The following ZNF454 variants were observed in gnomAD, a reference collection of about 807,000 sequenced individuals.
ZNF454 encodes zinc finger protein 454.
A neutral mutation model predicts 48.2 loss-of-function variants in ZNF454; 30 were observed. That is an observed-to-expected ratio of 0.62 (90% CI 0.47 to 0.84). The LOEUF is 0.84. ZNF454 is among the 40% of genes least tolerant of loss of function. The probability of loss-of-function intolerance (pLI) is 0.00; values close to 1 mark genes in which losing one functional copy is unlikely to be tolerated. For synonymous variants in ZNF454, 204 were observed against 211.4 expected (o/e 0.97, Z 0.30); for missense variants, 510 against 623.1 (o/e 0.82, Z 1.93).
At chr5:178,986,326 GC>G in the ZNF454 span, 1 of 1,614,124 alleles carries the variant, frequency 6.2e-7, no homozygotes, top group Non-Finnish European at 8.5e-7. Flanking sequence ...CCCAGGCTCA[GC>G]CACCATGAGG....
At chr5:178,950,422 G>C (rs1224043109) in intron 4 of ZNF454, among the ~76,000 whole-genome samples, 1 of 152,152 alleles carries the variant, frequency 6.6e-6, no homozygotes, top group East Asian at 1.9e-4. Context: ...GAATTAATTT[G>C]GACTGATGTA....
the ZNF454 span, chr5:178,981,667 G>T: frequency 1.7e-4 from 272 of 1,613,308 alleles, 3 homozygotes; most frequent in Middle Eastern, 7.6e-3. This position sits in a 1 kb window ranked among gnomAD's most constrained non-coding sequence, Gnocchi z 5.1. Context: ...CTACTTGTGG[G>T]CCTCTGCATC....
rs76444063 is a variant in ZNF454, at chr5:178,942,471, G to A, written c.-107-214G>A. On this transcript the variant is annotated intron_variant, in intron 1 of 4. Coordinates refer to ENST00000519564, the MANE Select transcript of ZNF454 (RefSeq NM_001178089.3). The stretch of plus-strand genomic sequence containing the variant: ...GTGAGGCTGAAGGGAAAGACCAGAG[G>A]GTGGGTGGAAGGCATGAGAACTGGA... 1,548 of 311,940 alleles carry A rather than the reference G, an allele frequency of 5.0e-3. 35 individuals carry two copies. In the East Asian group the frequency reaches 0.057, roughly 11 times the overall value. 19.3% of individuals were successfully genotyped at this position (311,940 alleles called of 1,614,324 possible).
In ZNF454 at chr5:178,965,547, G is replaced by A; in HGVS notation, c.1143G>A (p.Glu381=). The A allele has an allele frequency of 6.2e-7, 1 of 1,614,146 alleles. No individual in the cohort carries two copies. Among genetic ancestry groups the A allele is most frequent in the Non-Finnish European group, 8.5e-7 (1 of 1,180,022 alleles). ...LTEHQRIHTG[E]KPYKCNECGK... ...AACATCAGAGAATTCATACTGGAGA[G>A]AAACCTTATAAATGTAATGAATGTG... is the stretch of plus-strand genomic sequence containing the variant. The change falls in exon 5 of 5, where the codon GAG becomes GAA. Residue 381 remains glutamate (E), a synonymous_variant. Coordinates refer to ENST00000519564, the MANE Select transcript of ZNF454 (RefSeq NM_001178089.3). The surrounding 1 kb of genome is among the most constrained non-coding windows in gnomAD (Gnocchi z 5.2).
the ZNF454 span, chr5:178,976,213 G>C: frequency 2.5e-6 from 1 of 393,714 alleles, no homozygotes; most frequent in Non-Finnish European, 5.3e-6. Flanking sequence ...GCCATCCCCC[G>C]CCAGCTGCCC....
At chr5:178,979,102 T>A in the ZNF454 span, 1 of 152,114 alleles carries the variant, frequency 6.6e-6, no homozygotes, top group Non-Finnish European at 1.5e-5. Flanking sequence ...AAATAAAACA[T>A]TAGCTGGGTA....
At chr5:178,943,871 A>G (rs1283433231) in intron 2 of ZNF454, among the ~76,000 whole-genome samples, 1 of 151,842 alleles carries the variant, frequency 6.6e-6, no homozygotes, top group African/African-American at 2.4e-5. Flanking sequence ...TAAAATTACA[A>G]AAAAAATTAG....
At position 178,944,325 on chromosome 5, in the gene ZNF454, A is replaced by C. The variant is rs1283235195; in HGVS notation, c.33+1501A>C. Among the ~76,000 whole-genome samples the C allele has an allele frequency of 6.6e-6, 1 of 152,204 alleles. No homozygotes were observed. Among genetic ancestry groups the C allele is most frequent in the Non-Finnish European group, 1.5e-5 (1 of 68,040 alleles). ...AAAACCTGTCCGCACCCACAGTGCC[A>C]GTCTACTGTGATATTTTCCTTCCTT... On this transcript the variant is annotated intron_variant, in intron 2 of 4. Coordinates refer to ENST00000519564, the MANE Select transcript of ZNF454 (RefSeq NM_001178089.3). This position sits in a 1 kb window ranked among gnomAD's most constrained non-coding sequence, Gnocchi z 4.1.
the ZNF454 span, among the ~76,000 whole-genome samples, chr5:178,987,910 TC>T: frequency 0.95 from 135,390 of 143,224 alleles, 64,546 homozygotes; most frequent in South Asian, 1. Context: ...TAGGCACCCG[TC>T]GCCATGCCCA....
chr5:178,989,916 A>G, the ZNF454 span: 21 of 219,176 alleles, frequency 9.6e-5, 1 homozygote, highest in Admixed American at 1.1e-3. Context: ...AAAGTCACCA[A>G]CTCTCAGACC....
chr5:178,945,527 G>T (rs114645766), intron 2 of ZNF454, among the ~76,000 whole-genome samples: 2,060 of 149,136 alleles, frequency 0.014, 58 homozygotes, highest in African/African-American at 0.048. Context: ...TCTCTGTGTG[G>T]GGGGTGTGGG....
At chr5:178,986,025 G>C in the ZNF454 span, 10 of 1,060,160 alleles carry the variant, frequency 9.4e-6, no homozygotes, top group African/African-American at 1.6e-4. Flanking sequence ...GCCTCCAAAG[G>C]TGCTGGGACT....
At chr5:178,988,801 C>T in the ZNF454 span, 3 of 704,246 alleles carry the variant, frequency 4.3e-6, no homozygotes, top group East Asian at 2.7e-5. This position sits in a 1 kb window ranked among gnomAD's most constrained non-coding sequence, Gnocchi z 6.0. Context: ...GTCTTTGGCA[C>T]TCAGCCCCAG....
At chr5:178,986,824 G>C in the ZNF454 span, 1 of 1,613,506 alleles carries the variant, frequency 6.2e-7, no homozygotes, top group Non-Finnish European at 8.5e-7. Context: ...CTGGGGCTCG[G>C]TCTGCACACT....
the ZNF454 span, chr5:178,988,953 G>A: frequency 1.9e-5 from 31 of 1,613,150 alleles, 1 homozygote; most frequent in South Asian, 1.8e-4. The surrounding 1 kb of genome is among the most constrained non-coding windows in gnomAD (Gnocchi z 6.0). Flanking sequence ...CGGACAGCTC[G>A]AATGTACTGC....
chr5:178,983,096 A>C, the ZNF454 span: 1 of 1,614,016 alleles, frequency 6.2e-7, no homozygotes. Context: ...AGCCGATGAG[A>C]GACAGATCCG....
At chr5:178,989,651 C>G in the ZNF454 span, 1 of 588,196 alleles carries the variant, frequency 1.7e-6, no homozygotes, top group South Asian at 2.0e-5. Flanking sequence ...GGACTCAGAG[C>G]CAACTGGAGG....
At position 178,946,746 on chromosome 5, in the gene ZNF454, C is replaced by T. The variant is rs1759352955; in HGVS notation, c.161-151C>T. 2 of 784,262 alleles carry T rather than the reference C, an allele frequency of 2.6e-6. No homozygotes were observed. Among genetic ancestry groups the T allele is most frequent in the Admixed American group, 2.8e-5 (1 of 36,114 alleles). The allele number at this position is 784,262 out of a possible 1,614,324, so 48.6% of individuals were successfully genotyped here. ...TAAGATTGTGTCAGGCCTGAGTAAT[C>T]TTTTCCTCCCTCTGGGAACACACCT... On this transcript the variant is annotated intron_variant, in intron 3 of 4. Coordinates refer to ENST00000519564, the MANE Select transcript of ZNF454 (RefSeq NM_001178089.3). The surrounding 1 kb of genome is among the most constrained non-coding windows in gnomAD (Gnocchi z 4.5).
intron 4 of ZNF454, among the ~76,000 whole-genome samples, chr5:178,953,049 C>T (rs1018131769): frequency 2.6e-5 from 4 of 152,178 alleles, no homozygotes; most frequent in Non-Finnish European, 4.4e-5. Context: ...TAGCCACTCC[C>T]TCTTCTTTTA....
Sources: gnomAD v4.1 joint callset for allele counts (sites outside exome capture counted in the v4.1 genomes callset) on GRCh38, gnomAD v4.1.1 for gene constraint, Gnocchi (gnomAD v3.1) non-coding constraint, MANE v1.5 for transcripts, NCBI Gene and HGNC (gene_info 2026-07-23, HGNC 2026-07-21) for gene names.